CNTNAP2: variants seen among roughly 807,000 people sequenced by gnomAD.
The protein encoded by CNTNAP2 is contactin-associated protein-like 2.
Under a neutral mutation model 155.2 loss-of-function variants are expected in CNTNAP2, and 98 were observed. The ratio of observed to expected loss-of-function variants is 0.63; its 90% confidence interval spans 0.54 to 0.75. The LOEUF (loss-of-function observed/expected upper bound fraction) is 0.75, where lower values mean the gene tolerates loss of function less well. Among genes scored for constraint, CNTNAP2 ranks in the 30% least tolerant of loss-of-function variants. CNTNAP2 has a pLI of 0.00. For synonymous variants in CNTNAP2, 651 were observed against 631.2 expected, an observed-to-expected ratio of 1.03 and a Z score of -0.47; for missense variants, 1,727 against 1,688.1, an observed-to-expected ratio of 1.02 and a Z score of -0.40.
Position 147,834,203 on chromosome 7 carries a change from C to G in CNTNAP2, c.2099-69362C>G, listed in dbSNP as rs368569528. Among the ~76,000 whole-genome samples the G allele has an allele frequency of 1.6e-4, 24 of 152,254 alleles. 1 individual carries two copies. In the East Asian group the frequency reaches 2.5e-3, roughly 16 times the overall value. ...AATAATGATTTGCTGGCAGAAGCTC[C>G]GTGAATCAGACTTTGCACTGAACAT... On this transcript the variant is annotated intron_variant, in intron 13 of 23. Transcript: ENST00000361727.
intron 1 of CNTNAP2, among the ~76,000 whole-genome samples, chr7:146,678,523 T>C (rs1800444340): frequency 6.6e-6 from 1 of 152,184 alleles, no homozygotes; most frequent in African/African-American, 2.4e-5. Context: ...CAATTTACAC[T>C]GTCGAAAATT....
chr7:146,924,569 A>C (rs948732657), intron 3 of CNTNAP2, among the ~76,000 whole-genome samples: 1 of 152,144 alleles, frequency 6.6e-6, no homozygotes, highest in Non-Finnish European at 1.5e-5. Flanking sequence ...ACTTGTCTTG[A>C]AAGACCTTTG....
chr7:146,545,050 T>A (rs59595581), intron 1 of CNTNAP2, among the ~76,000 whole-genome samples: 61,016 of 151,612 alleles, frequency 0.4, 13,197 homozygotes, highest in Non-Finnish European at 0.48. Flanking sequence ...AGCTCACCAA[T>A]TCAAGGTATC....
At chr7:146,523,385 C>A (rs991983177) in intron 1 of CNTNAP2, among the ~76,000 whole-genome samples, 2 of 151,964 alleles carry the variant, frequency 1.3e-5, no homozygotes, top group African/African-American at 4.8e-5. Context: ...TTTAATTTTT[C>A]TCCCTGGATC....
intron 1 of CNTNAP2, among the ~76,000 whole-genome samples, chr7:146,681,271 GGGAGACA>G (rs1238131360): frequency 6.6e-6 from 1 of 150,610 alleles, no homozygotes; most frequent in Non-Finnish European, 1.5e-5. Flanking sequence ...CTTGCCTTTT[GGGAGACA>G]GGAGGGGTTG....
chr7:148,068,147 C>T (rs1563187986), intron 15 of CNTNAP2, among the ~76,000 whole-genome samples: 1 of 152,194 alleles, frequency 6.6e-6, no homozygotes, highest in Non-Finnish European at 1.5e-5. Context: ...CTCATATCTA[C>T]ACTTTCTGTT....
At chr7:146,413,253 A>G (rs1795891606) in intron 1 of CNTNAP2, among the ~76,000 whole-genome samples, 1 of 152,140 alleles carries the variant, frequency 6.6e-6, no homozygotes, top group Non-Finnish European at 1.5e-5. Context: ...ATGAGAGAAG[A>G]GGGTCTGCAT....
chr7:147,201,228 A>G (rs1802915779), intron 8 of CNTNAP2, among the ~76,000 whole-genome samples: 1 of 152,178 alleles, frequency 6.6e-6, no homozygotes, highest in Non-Finnish European at 1.5e-5. Flanking sequence ...ACAATAATTA[A>G]TTTGCTTACA....
At chr7:146,326,932 C>T (rs181903849) in intron 1 of CNTNAP2, among the ~76,000 whole-genome samples, 105 of 152,224 alleles carry the variant, frequency 6.9e-4, no homozygotes, top group African/African-American at 2.4e-3. Flanking sequence ...AAATATTTCT[C>T]TTCCTATGCA....
chr7:147,470,022 A>G (rs1420764333), intron 10 of CNTNAP2, among the ~76,000 whole-genome samples: 3 of 152,170 alleles, frequency 2.0e-5, no homozygotes, highest in African/African-American at 7.2e-5. Flanking sequence ...CAGAGTGAGC[A>G]GGAGGAATTC....
chr7:147,200,228 G>A (rs781475808), intron 8 of CNTNAP2, among the ~76,000 whole-genome samples: 2 of 152,070 alleles, frequency 1.3e-5, no homozygotes, highest in African/African-American at 2.4e-5. Context: ...TTGAAACTCC[G>A]GTTTAGACAG....
At chr7:147,690,951 C>T (rs1796078652) in intron 13 of CNTNAP2, among the ~76,000 whole-genome samples, 2 of 152,060 alleles carry the variant, frequency 1.3e-5, no homozygotes, top group Non-Finnish European at 2.9e-5. Flanking sequence ...GCTTTTCTAG[C>T]AGTTATCTTT....
intron 21 of CNTNAP2, among the ~76,000 whole-genome samples, chr7:148,374,041 G>A (rs1798937517): frequency 6.6e-6 from 1 of 152,160 alleles, no homozygotes; most frequent in South Asian, 2.1e-4. Context: ...GTCAGTTAAG[G>A]GAACCATCCA....
intron 2 of CNTNAP2, among the ~76,000 whole-genome samples, chr7:146,788,111 C>A (rs367953970): frequency 2.3e-3 from 348 of 152,322 alleles, no homozygotes; most frequent in African/African-American, 7.8e-3. Flanking sequence ...AGCCCAGGCA[C>A]TCCAGCAGCC....
intron 4 of CNTNAP2, among the ~76,000 whole-genome samples, chr7:147,077,529 T>C (rs1800021300): frequency 1.3e-5 from 2 of 152,164 alleles, no homozygotes; most frequent in Non-Finnish European, 2.9e-5. Flanking sequence ...TAGTAAAATA[T>C]TTTCTGACTG....
intron 1 of CNTNAP2, among the ~76,000 whole-genome samples, chr7:146,131,572 T>G (rs918189154): frequency 3.3e-5 from 5 of 152,242 alleles, no homozygotes; most frequent in African/African-American, 7.2e-5. Flanking sequence ...CAAGATTGTT[T>G]CAGAACTTCA....
At chr7:146,354,946 A>T (rs771560176) in intron 1 of CNTNAP2, among the ~76,000 whole-genome samples, 1 of 152,212 alleles carries the variant, frequency 6.6e-6, no homozygotes, top group Non-Finnish European at 1.5e-5. Flanking sequence ...AAGGATTGGC[A>T]CTAGCTTCAG....
At position 146,812,442 on chromosome 7, in the gene CNTNAP2, A is replaced by AT. The variant is rs1563241640; in HGVS notation, c.209-27269_209-27268insT. Among the ~76,000 whole-genome samples, 396 of 141,782 alleles carry AT rather than the reference A, an allele frequency of 2.8e-3. 4 individuals carry two copies. Among genetic ancestry groups the AT allele is most frequent in the African/African-American group, 0.01 (368 of 35,846 alleles). The allele number at this position is 141,782 out of a possible 152,430, so 93.0% of individuals were successfully genotyped here. Reference sequence around the variant, plus strand: ...TTTCTTTTATATGTATATATATATAAAAAATATATATATATATATATTTAT... The same window carrying AT: ...TTTCTTTTATATGTATATATATATAATAAAATATATATATATATATATTTAT... On this transcript the variant is annotated intron_variant, in intron 2 of 23. Transcript: ENST00000361727.
intron 1 of CNTNAP2, among the ~76,000 whole-genome samples, chr7:146,744,099 G>A (rs1267162281): frequency 1.3e-5 from 2 of 151,608 alleles, no homozygotes; most frequent in African/African-American, 4.9e-5. Flanking sequence ...GTGGTTGCAC[G>A]TCCCTGTAAT....
Sources: allele counts gnomAD v4.1 joint callset (sites outside exome capture counted in the v4.1 genomes callset), GRCh38; gene constraint gnomAD v4.1.1; transcripts MANE v1.5; gene names NCBI Gene and HGNC (gene_info 2026-07-23, HGNC 2026-07-21).